ZSCAN25: variants seen among roughly 807,000 people sequenced by gnomAD.
ZSCAN25 encodes zinc finger and SCAN domain containing 25, also known as zinc finger and SCAN domain-containing protein 25.
Under a neutral mutation model 38.7 loss-of-function variants are expected in ZSCAN25, and 27 were observed. The ratio of observed to expected loss-of-function variants is 0.70; its 90% CI spans 0.51 to 0.96. The LOEUF (loss-of-function observed/expected upper bound fraction) is 0.96. Among genes scored for constraint, ZSCAN25 ranks in the 40% least tolerant of loss-of-function variants. ZSCAN25 has a pLI of 0.00. For missense variants in ZSCAN25, 637 were observed against 705.9 expected, an observed-to-expected ratio of 0.90 and a Z score of 1.11; for synonymous variants, 273 against 277.7, an observed-to-expected ratio of 0.98 and a Z score of 0.17.
chr7:99,625,737 CAGA>C (rs1807413687), intron 7 of ZSCAN25, among the ~76,000 whole-genome samples: 1 of 152,252 alleles, frequency 6.6e-6, no homozygotes, highest in East Asian at 1.9e-4. Flanking sequence ...CCCCCATTCT[CAGA>C]AGATTTTCAT....
At chr7:99,688,684 T>A in the ZSCAN25 span, among the ~76,000 whole-genome samples, 1 of 152,212 alleles carries the variant, frequency 6.6e-6, no homozygotes, top group Non-Finnish European at 1.5e-5. Context: ...AATAGCCATC[T>A]ACAGAACTCT....
the ZSCAN25 span, among the ~76,000 whole-genome samples, chr7:99,639,140 T>C: frequency 6.6e-6 from 1 of 152,222 alleles, no homozygotes; most frequent in Non-Finnish European, 1.5e-5. Flanking sequence ...AGGAACAATT[T>C]GGCTTTCAGG....
chr7:99,685,351 C>T, the ZSCAN25 span: 1 of 1,377,018 alleles, frequency 7.3e-7, no homozygotes, highest in South Asian at 1.2e-5. Context: ...GTGACCATTA[C>T]AAACTATGTG....
At chr7:99,622,316 G>T (rs539728418) in intron 5 of ZSCAN25, 15 of 565,680 alleles carry the variant, frequency 2.7e-5, no homozygotes, top group African/African-American at 2.5e-4. Context: ...ACAGGGCCGG[G>T]ACAATCTTGC....
rs1424059096 is a variant in ZSCAN25, at chr7:99,630,953, A to G, written c.*933A>G. 2 of 958,918 alleles carry G rather than the reference A, an allele frequency of 2.1e-6. No individual in the cohort carries two copies. Among genetic ancestry groups the G allele is most frequent in the Non-Finnish European group, 2.5e-6 (2 of 805,920 alleles). 59.4% of individuals were successfully genotyped at this position (958,918 alleles called of 1,614,324 possible). A position where few individuals can be genotyped will look rare whatever the true frequency, so the allele number is the denominator to read the frequency against. On this transcript the variant is annotated 3_prime_UTR_variant, in exon 8 of 8. Coordinates refer to ENST00000394152, the MANE Select transcript of ZSCAN25 (RefSeq NM_145115.3). ...TTTGATGGCACTTTATAGTTCATAA[A>G]ATTAATTTCACCCCATTCTCATTGG...
At chr7:99,686,904 C>A in the ZSCAN25 span, among the ~76,000 whole-genome samples, 251 of 152,318 alleles carry the variant, frequency 1.6e-3, 1 homozygote, top group East Asian at 0.014. Flanking sequence ...ACTGCTGATA[C>A]CCAGGCAAAC....
At chr7:99,658,196 G>A in the ZSCAN25 span, among the ~76,000 whole-genome samples, 2 of 152,122 alleles carry the variant, frequency 1.3e-5, no homozygotes, top group Non-Finnish European at 2.9e-5. Context: ...TTACAATTTG[G>A]CATGTTTTTG....
At chr7:99,664,039 T>C in the ZSCAN25 span, 3 of 1,601,356 alleles carry the variant, frequency 1.9e-6, no homozygotes, top group Non-Finnish European at 2.5e-6. Flanking sequence ...ATGGTATCTT[T>C]TGGAAACAGA....
chr7:99,672,682 G>T, the ZSCAN25 span: 9 of 1,614,046 alleles, frequency 5.6e-6, no homozygotes, highest in Admixed American at 3.3e-5. Context: ...CATACGTTCT[G>T]TGTGGGGACA....
chr7:99,667,336 C>T, the ZSCAN25 span, among the ~76,000 whole-genome samples: 1 of 152,166 alleles, frequency 6.6e-6, no homozygotes, highest in Admixed American at 6.5e-5. Flanking sequence ...AAATGCTCCA[C>T]GTGGTAGGGA....
the ZSCAN25 span, among the ~76,000 whole-genome samples, chr7:99,716,700 G>T: frequency 6.6e-6 from 1 of 152,058 alleles, no homozygotes; most frequent in Non-Finnish European, 1.5e-5. Context: ...GGAGGAAAAA[G>T]AAATGGTGGG....
chr7:99,692,707 T>G, the ZSCAN25 span, among the ~76,000 whole-genome samples: 2 of 152,240 alleles, frequency 1.3e-5, no homozygotes, highest in African/African-American at 4.8e-5. Context: ...AGCTTGTGCA[T>G]GCATCACGAA....
chr7:99,676,630 G>C, the ZSCAN25 span: 1 of 1,109,462 alleles, frequency 9.0e-7, no homozygotes. Flanking sequence ...ATGAGATTTT[G>C]CATCACTGTA....
the ZSCAN25 span, among the ~76,000 whole-genome samples, chr7:99,737,643 TTA>T: frequency 2.0e-5 from 3 of 152,172 alleles, no homozygotes; most frequent in Non-Finnish European, 2.9e-5. Flanking sequence ...ATGGAAACGA[TTA>T]TGTTTTCTTC....
intron 7 of ZSCAN25, among the ~76,000 whole-genome samples, chr7:99,627,100 T>A (rs1807539206): frequency 6.6e-6 from 1 of 152,256 alleles, no homozygotes; most frequent in Non-Finnish European, 1.5e-5. Context: ...ATTCACCAAT[T>A]GTTAACATTT....
the ZSCAN25 span, among the ~76,000 whole-genome samples, chr7:99,707,367 T>G: frequency 6.6e-6 from 1 of 152,222 alleles, no homozygotes; most frequent in South Asian, 2.1e-4. Context: ...CCAGGCATCA[T>G]GAATTTTTAA....
the ZSCAN25 span, among the ~76,000 whole-genome samples, chr7:99,699,400 G>A: frequency 6.6e-6 from 1 of 152,172 alleles, no homozygotes; most frequent in African/African-American, 2.4e-5. Flanking sequence ...AGAGCCGGGG[G>A]ACAGCTTCCC....
chr7:99,735,103 C>A, the ZSCAN25 span: 2 of 1,613,928 alleles, frequency 1.2e-6, no homozygotes, highest in Non-Finnish European at 1.7e-6. Context: ...TCACTACTTT[C>A]CTTCCTTATC....
chr7:99,705,742 A>G, the ZSCAN25 span: 5 of 983,804 alleles, frequency 5.1e-6, no homozygotes, highest in African/African-American at 3.3e-5. Context: ...GATTCGTTAT[A>G]CTTACTCTAT....
Sources: gnomAD v4.1 joint callset for allele counts (sites outside exome capture counted in the v4.1 genomes callset) on GRCh38, gnomAD v4.1.1 for gene constraint, MANE v1.5 for transcripts, NCBI Gene and HGNC (gene_info 2026-07-23, HGNC 2026-07-21) for gene names.